NKAIN2: variants seen among roughly 807,000 people sequenced by gnomAD.
NKAIN2 encodes the protein sodium/potassium-transporting ATPase subunit beta-1-interacting protein 2.
In NKAIN2, 14 loss-of-function variants were observed where a neutral mutation model predicts 32.6. The observed-to-expected ratio is 0.43, with a 90% confidence interval of 0.28 to 0.67. The LOEUF is 0.67. NKAIN2 is among the 30% of genes least tolerant of loss of function. NKAIN2 has a pLI of 0.17. For missense variants in NKAIN2, 198 were observed against 258.3 expected (o/e 0.77, Z 1.60); for synonymous variants, 80 against 87.2 (o/e 0.92, Z 0.46).
chr6:124,194,607 A>T (rs1342856967), intron 1 of NKAIN2, among the ~76,000 whole-genome samples: 1 of 151,856 alleles, frequency 6.6e-6, no homozygotes, highest in African/African-American at 2.4e-5. Context: ...ATTTATTCAC[A>T]TGTTATTTTA....
chr6:124,534,631 G>A (rs1448622571), intron 3 of NKAIN2, among the ~76,000 whole-genome samples: 2 of 152,142 alleles, frequency 1.3e-5, no homozygotes, highest in African/African-American at 2.4e-5. Context: ...GCAAACTTTG[G>A]GATATGTAAG....
At chr6:124,083,986 A>C (rs1163142568) in intron 1 of NKAIN2, among the ~76,000 whole-genome samples, 1 of 151,994 alleles carries the variant, frequency 6.6e-6, no homozygotes, top group African/African-American at 2.4e-5. Flanking sequence ...ATTGTAAGAG[A>C]AACAGGTACC....
chr6:124,777,858 C>T (rs964761823), intron 4 of NKAIN2, among the ~76,000 whole-genome samples: 5 of 151,940 alleles, frequency 3.3e-5, no homozygotes, highest in Admixed American at 1.3e-4. Context: ...AGGCTAATTA[C>T]AGAATTCAGC....
At chr6:124,093,494 C>T (rs771017238) in intron 1 of NKAIN2, among the ~76,000 whole-genome samples, 6 of 152,088 alleles carry the variant, frequency 3.9e-5, no homozygotes, top group South Asian at 2.1e-4. Flanking sequence ...TAGTACATAA[C>T]CTTCAACAAA....
chr6:123,881,124 C>T (rs952428976), intron 1 of NKAIN2, among the ~76,000 whole-genome samples: 19 of 152,136 alleles, frequency 1.2e-4, no homozygotes, highest in African/African-American at 3.6e-4. Flanking sequence ...CCGGTTCAAG[C>T]GATTCTCCTG....
chr6:124,792,953 G>T (rs886710532), intron 5 of NKAIN2, among the ~76,000 whole-genome samples: 1 of 151,990 alleles, frequency 6.6e-6, no homozygotes, highest in Admixed American at 6.6e-5. Context: ...AATCAAAAAT[G>T]TACTTTAGAA....
At chr6:124,156,617 C>T (rs1787999771) in intron 1 of NKAIN2, among the ~76,000 whole-genome samples, 1 of 152,086 alleles carries the variant, frequency 6.6e-6, no homozygotes, top group South Asian at 2.1e-4. Context: ...GAGCAAGGCA[C>T]AGACAGACTG....
Position 124,722,461 on chromosome 6 carries a change from A to G in NKAIN2, c.474+64075A>G, listed in dbSNP as rs551392985. Among the ~76,000 whole-genome samples the G allele has an allele frequency of 3.9e-5, 6 of 152,324 alleles. No homozygotes were observed. The East Asian group carries it at 1.2e-3, about 29-fold the overall frequency. Reference sequence around the variant, plus strand: ...TCAACAGATGGGACAGACCTGGGGTAAGGGAAAGAATGGAGGGGAATAGTT... The same window carrying G: ...TCAACAGATGGGACAGACCTGGGGTGAGGGAAAGAATGGAGGGGAATAGTT... On this transcript the variant is annotated intron_variant, in intron 4 of 6. Transcript: ENST00000368417.
At chr6:124,562,968 G>A (rs527436335) in intron 3 of NKAIN2, among the ~76,000 whole-genome samples, 7 of 149,520 alleles carry the variant, frequency 4.7e-5, no homozygotes, top group South Asian at 2.1e-4. Flanking sequence ...GCAATGGCGC[G>A]ATCTCAGCTC....
chr6:124,153,957 T>A (rs1787858685), intron 1 of NKAIN2, among the ~76,000 whole-genome samples: 1 of 151,090 alleles, frequency 6.6e-6, no homozygotes, highest in Non-Finnish European at 1.5e-5. Context: ...AGTTATTTCT[T>A]ATCATACTGA....
At chr6:124,739,729 G>A (rs754291674) in intron 4 of NKAIN2, among the ~76,000 whole-genome samples, 3 of 151,894 alleles carry the variant, frequency 2.0e-5, no homozygotes, top group Non-Finnish European at 4.4e-5. Context: ...CGAAGATGAA[G>A]AGTGAGCACT....
intron 3 of NKAIN2, among the ~76,000 whole-genome samples, chr6:124,395,653 A>G (rs1051920520): frequency 1.3e-5 from 2 of 152,164 alleles, no homozygotes; most frequent in African/African-American, 4.8e-5. Flanking sequence ...CCTCTCTTAA[A>G]CCCTTCAGAT....
intron 1 of NKAIN2, among the ~76,000 whole-genome samples, chr6:123,883,956 T>G (rs1773591306): frequency 1.3e-5 from 2 of 151,182 alleles, no homozygotes; most frequent in Non-Finnish European, 2.9e-5. Flanking sequence ...TAAATTATTA[T>G]TATTTTTAAC....
chr6:124,566,405 A>G (rs927403279), intron 3 of NKAIN2, among the ~76,000 whole-genome samples: 1 of 152,070 alleles, frequency 6.6e-6, no homozygotes, highest in Non-Finnish European at 1.5e-5. Context: ...ATTCCACTTC[A>G]CATTCAACGG....
intron 3 of NKAIN2, among the ~76,000 whole-genome samples, chr6:124,627,154 C>A (rs1319749584): frequency 6.6e-6 from 1 of 151,928 alleles, no homozygotes; most frequent in African/African-American, 2.4e-5. Context: ...GCTGTAATCC[C>A]AGCTACTCAG....
intron 1 of NKAIN2, among the ~76,000 whole-genome samples, chr6:123,873,226 A>G (rs1043614407): frequency 1.6e-4 from 23 of 146,604 alleles, no homozygotes; most frequent in African/African-American, 5.6e-4. Context: ...TATATAATCT[A>G]AGGCATGAAT....
intron 1 of NKAIN2, among the ~76,000 whole-genome samples, chr6:124,148,413 C>G (rs529825301): frequency 3.3e-5 from 5 of 152,196 alleles, no homozygotes; most frequent in Middle Eastern, 3.4e-3. Flanking sequence ...TTATCTCCCC[C>G]CCGACCAACC....
intron 3 of NKAIN2, among the ~76,000 whole-genome samples, chr6:124,480,650 A>G (rs984792252): frequency 3.3e-5 from 5 of 151,920 alleles, no homozygotes; most frequent in Middle Eastern, 3.4e-3. Flanking sequence ...TATTAGCTTT[A>G]CTAGAAGTGG....
At chr6:124,231,962 A>G (rs1792486498) in intron 1 of NKAIN2, among the ~76,000 whole-genome samples, 1 of 152,142 alleles carries the variant, frequency 6.6e-6, no homozygotes. Context: ...TGTCTTCTCT[A>G]TCTTCTTCTT....
Sources: gnomAD v4.1 joint callset for allele counts (sites outside exome capture counted in the v4.1 genomes callset) on GRCh38, gnomAD v4.1.1 for gene constraint, MANE v1.5 for transcripts, NCBI Gene and HGNC (gene_info 2026-07-23, HGNC 2026-07-21) for gene names.